Variants in STAG2 observed in about 807,000 individuals in gnomAD.
STAG2 encodes the protein STAG2 cohesin complex component.
Under a neutral mutation model 108.1 loss-of-function variants are expected in STAG2, and 14 were observed. The ratio of observed to expected loss-of-function variants is 0.13; its 90% confidence interval spans 0.09 to 0.20. The LOEUF (loss-of-function observed/expected upper bound fraction) is 0.20, where lower values mean the gene tolerates loss of function less well. Among genes scored for constraint, STAG2 ranks in the 10% least tolerant of loss-of-function variants. The pLI, the probability that STAG2 is intolerant of heterozygous loss-of-function variation, is 1.00. For missense variants in STAG2, 440 were observed against 940.9 expected, an observed-to-expected ratio of 0.47 and a Z score of 6.96; for synonymous variants, 307 against 302.7, an observed-to-expected ratio of 1.01 and a Z score of -0.15.
Position 124,009,443 on chromosome X carries a change from G to GATAGA in STAG2, c.-162-11924_-162-11923insATAGA, listed in dbSNP as rs2056441641. ...GGTAGGTAGGTAGGTAGGTAGGTAG[G>GATAGA]TAGATAGATAGATAGATAGATAGAT... On this transcript the variant is annotated intron_variant, in intron 1 of 34. Transcript: ENST00000371145. 5.1e-3 allele frequency among the ~76,000 whole-genome samples: 326 copies of GATAGA among 63,578 alleles called. 5 individuals are homozygous for GATAGA. The highest frequency in any genetic ancestry group is 0.016 in the African/African-American group (265 of 16,401). 55.2% of individuals were successfully genotyped at this position (63,578 alleles called of 115,157 possible).
rs1425339628 is a variant in STAG2 at position 124,025,014 on chromosome X, C to T, written c.45-826C>T. ...ATCACACATATTTATTTAAATCGGT[C>T]GGCTTCCATATGTTTGTGAGAAAAT... On this transcript the variant is annotated intron_variant, in intron 3 of 34. Coordinates refer to ENST00000371145, the MANE Select transcript of STAG2 (RefSeq NM_001042750.2). Among the ~76,000 whole-genome samples the T allele has an allele frequency of 6.3e-5, 7 of 111,657 alleles. No individual in the cohort carries two copies. The South Asian group carries it at 1.5e-3, about 24-fold the overall frequency.
chrX:124,063,105 A>G lies in STAG2; in HGVS notation c.1732-11A>G. 3 of 1,194,780 alleles carry G rather than the reference A, an allele frequency of 2.5e-6. No individual in the cohort carries two copies. The highest frequency in any genetic ancestry group is 3.4e-6 in the Non-Finnish European group (3 of 882,803). ...TTGTGATATTTTTAACGTGATCTTTATATTTCACAGTACTCTGTAGATGCA... is the reference window on the plus strand; with the variant it reads ...TTGTGATATTTTTAACGTGATCTTTGTATTTCACAGTACTCTGTAGATGCA... On this transcript the variant is annotated splice_polypyrimidine_tract_variant and intron_variant, in intron 18 of 34. Coordinates refer to ENST00000371145, the MANE Select transcript of STAG2 (RefSeq NM_001042750.2).
chrX:124,076,833 A>G (rs996610439), intron 26 of STAG2, among the ~76,000 whole-genome samples: 3 of 109,855 alleles, frequency 2.7e-5, no homozygotes, highest in Admixed American at 2.0e-4. Context: ...CTTGGTTACT[A>G]TGCATCTTGC....
intron 1 of STAG2, among the ~76,000 whole-genome samples, chrX:123,997,752 C>T (rs961035860): frequency 1.4e-4 from 16 of 111,876 alleles, no homozygotes; most frequent in African/African-American, 2.0e-4. Flanking sequence ...GTGATTCTCT[C>T]GCCTCGGCCT....
chrX:124,083,861 A>C (rs2059026325), intron 29 of STAG2, among the ~76,000 whole-genome samples: 1 of 112,046 alleles, frequency 8.9e-6, no homozygotes, highest in African/African-American at 3.2e-5. Context: ...CCTGGGCTCC[A>C]GTGATTTTCC....
intron 4 of STAG2, among the ~76,000 whole-genome samples, chrX:124,029,256 A>G (rs1387453180): frequency 2.8e-5 from 3 of 107,251 alleles, no homozygotes; most frequent in Admixed American, 1.0e-4. Flanking sequence ...TGACCTCGTG[A>G]TCCGCCCACC....
intron 27 of STAG2, among the ~76,000 whole-genome samples, chrX:124,078,920 G>A (rs2058873652): frequency 9.2e-6 from 1 of 108,835 alleles, no homozygotes; most frequent in Non-Finnish European, 1.9e-5. Flanking sequence ...AATGAGCCAA[G>A]ATCATGCCAC....
At chrX:124,051,255 A>G in intron 12 of STAG2, 36 bp downstream of exon 12, 5 of 1,159,444 alleles carry the variant, frequency 4.3e-6, no homozygotes, top group Non-Finnish European at 5.8e-6. Context: ...ATAACTTGTC[A>G]TTTGCAAACA....
intron 24 of STAG2, among the ~76,000 whole-genome samples, chrX:124,069,521 T>C (rs1431236019): frequency 8.9e-6 from 1 of 111,932 alleles, no homozygotes; most frequent in African/African-American, 3.2e-5. Flanking sequence ...TTGGCACTTG[T>C]CTTTATTTAA....
chrX:124,098,647 T>C (rs1157876892), intron 34 of STAG2, among the ~76,000 whole-genome samples: 1 of 112,066 alleles, frequency 8.9e-6, no homozygotes, highest in African/African-American at 3.2e-5. Context: ...CACTTCAGTT[T>C]GTTACTAAAT....
rs774761933 is a variant in STAG2 at position 124,047,461 on chromosome X, C to A, written c.775C>A (p.Arg259=). 8.3e-7 allele frequency: 1 copy of A among 1,207,689 alleles called. No individual in the cohort carries two copies. The highest frequency in any genetic ancestry group is 1.1e-6 in the Non-Finnish European group (1 of 893,365). The change falls in exon 9 of 35, where the codon CGA becomes AGA. Residue 259 remains arginine, a synonymous_variant. Coordinates refer to ENST00000371145, the MANE Select transcript of STAG2 (RefSeq NM_001042750.2). ...EAERNKMIGK[R]ANERLELLLQ... is the part of the protein sequence containing the mutation. ...AGAACGGAATAAAATGATTGGAAAA[C>A]GAGCCAATGAGAGGCTAGAACTCCT... is the stretch of plus-strand genomic sequence containing the variant.
intron 1 of STAG2, among the ~76,000 whole-genome samples, chrX:123,993,244 TCAAGA>T (rs2055566129): frequency 9.2e-6 from 1 of 109,248 alleles, no homozygotes; most frequent in South Asian, 3.8e-4. Flanking sequence ...GTCCAGGAGT[TCAAGA>T]CCAGCCTGGG....
At chrX:124,012,139 A>T (rs2056542435) in intron 1 of STAG2, among the ~76,000 whole-genome samples, 1 of 112,105 alleles carries the variant, frequency 8.9e-6, no homozygotes, top group African/African-American at 3.2e-5. Context: ...TTCAGCAATA[A>T]ATCTCACTTG....
At chrX:124,087,695 C>G (rs1285686443) in intron 30 of STAG2, among the ~76,000 whole-genome samples, 1 of 112,341 alleles carries the variant, frequency 8.9e-6, no homozygotes, top group African/African-American at 3.2e-5. Flanking sequence ...TAATTTCTGC[C>G]ATATTCTATT....
At chrX:124,096,183 T>TC (rs200092832) in intron 34 of STAG2, among the ~76,000 whole-genome samples, 2,248 of 106,033 alleles carry the variant, frequency 0.021, 60 homozygotes, top group African/African-American at 0.07. Context: ...TTGATTTTTT[T>TC]CCCCCCCATT....
intron 1 of STAG2, among the ~76,000 whole-genome samples, chrX:123,986,823 T>C (rs962684921): frequency 4.5e-5 from 5 of 110,834 alleles, no homozygotes; most frequent in African/African-American, 6.6e-5. Flanking sequence ...GAATAACTTA[T>C]GATTTTAAAT....
At chrX:124,058,120 A>ATTTTTTT in intron 15 of STAG2, 143 bp downstream of exon 15, 1 of 229,788 alleles carries the variant, frequency 4.4e-6, no homozygotes, top group Non-Finnish European at 7.6e-6. Flanking sequence ...CACTCCCCCA[A>ATTTTTTT]TTTTTTTTTT....
chrX:124,046,494 A>G (rs1452895313), intron 8 of STAG2, among the ~76,000 whole-genome samples: 2 of 112,090 alleles, frequency 1.8e-5, no homozygotes, highest in East Asian at 5.6e-4. Flanking sequence ...ATTAACTTAG[A>G]GCAGAAAATT....
chrX:123,995,287 G>A (rs780014946), intron 1 of STAG2, among the ~76,000 whole-genome samples: 4 of 112,034 alleles, frequency 3.6e-5, no homozygotes, highest in Non-Finnish European at 7.5e-5. Context: ...TAGGGCTTTT[G>A]CACAACGAAT....
Sources: allele counts gnomAD v4.1 joint callset (sites outside exome capture counted in the v4.1 genomes callset), GRCh38; gene constraint gnomAD v4.1.1; transcripts MANE v1.5; gene names NCBI Gene and HGNC (gene_info 2026-07-23, HGNC 2026-07-21).